Variants in CDH18 observed in about 807,000 individuals in gnomAD.
The protein encoded by CDH18 is cadherin 18, also known as cadherin-18.
CDH18 carries 31 observed loss-of-function variants against 67.9 expected under a neutral mutation model. The ratio of observed to expected loss-of-function variants is 0.46; its 90% CI spans 0.34 to 0.62. CDH18 has a LOEUF of 0.62. Ranked by LOEUF, CDH18 falls within the 20% of genes least tolerant of loss-of-function variation. The pLI is 0.01. For synonymous variants in CDH18, 362 were observed against 347.2 expected, an observed-to-expected ratio of 1.04 and a Z score of -0.48; for missense variants, 890 against 975.5, an observed-to-expected ratio of 0.91 and a Z score of 1.17.
At chr5:19,804,780 T>C (rs4392624) in intron 3 of CDH18, among the ~76,000 whole-genome samples, 88,412 of 151,944 alleles carry the variant, frequency 0.58, 26,015 homozygotes, top group Middle Eastern at 0.68. Flanking sequence ...CATACGTCTA[T>C]TACAAATAAG....
chr5:19,917,977 A>G (rs1383834080), intron 2 of CDH18, among the ~76,000 whole-genome samples: 1 of 152,174 alleles, frequency 6.6e-6, no homozygotes, highest in Non-Finnish European at 1.5e-5. Flanking sequence ...GAGATGTGGG[A>G]GATGAGTAAG....
chr5:20,470,019 TCCTCCAC>T (rs1247720446), intron 1 of CDH18, among the ~76,000 whole-genome samples: 1 of 152,132 alleles, frequency 6.6e-6, no homozygotes, highest in Non-Finnish European at 1.5e-5. Context: ...TAATAGCCAC[TCCTCCAC>T]CATCTCAATT....
At chr5:19,479,789 G>C (rs913888922) in intron 12 of CDH18, among the ~76,000 whole-genome samples, 1 of 152,072 alleles carries the variant, frequency 6.6e-6, no homozygotes, top group East Asian at 1.9e-4. Flanking sequence ...GTCAGATCAC[G>C]GCTCAAATAT....
intron 3 of CDH18, among the ~76,000 whole-genome samples, chr5:19,773,433 A>T (rs1041752890): frequency 5.9e-5 from 9 of 152,210 alleles, no homozygotes; most frequent in Admixed American, 2.6e-4. Flanking sequence ...TTGTAATTTG[A>T]CTTACAAGGG....
intron 1 of CDH18, among the ~76,000 whole-genome samples, chr5:20,499,125 TAC>T (rs925589165): frequency 4.7e-5 from 7 of 150,482 alleles, no homozygotes; most frequent in South Asian, 2.1e-4. Context: ...CTCACACACA[TAC>T]ACACACACAC....
chr5:19,727,782 A>C (rs1173546170), intron 4 of CDH18, among the ~76,000 whole-genome samples: 1 of 152,242 alleles, frequency 6.6e-6, no homozygotes, highest in Non-Finnish European at 1.5e-5. Context: ...TAAGAGAGAT[A>C]AAATAAAAAG....
chr5:19,808,935 G>A (rs964981620), intron 3 of CDH18, among the ~76,000 whole-genome samples: 10 of 151,010 alleles, frequency 6.6e-5, no homozygotes, highest in African/African-American at 2.4e-4. Context: ...CATTATATTT[G>A]GGAATATTTT....
upstream of CDH18, among the ~76,000 whole-genome samples, chr5:19,989,553 G>A (rs565939814): frequency 4.4e-4 from 67 of 152,266 alleles, no homozygotes; most frequent in African/African-American, 1.6e-3. Context: ...TAAAAAATCT[G>A]TATCCTTGTA....
At chr5:19,760,891 C>A (rs1370939682) in intron 3 of CDH18, among the ~76,000 whole-genome samples, 2 of 152,172 alleles carry the variant, frequency 1.3e-5, no homozygotes, top group African/African-American at 4.8e-5. Flanking sequence ...ATGTTCTCAG[C>A]CAAAGGTAGA....
At chr5:19,871,768 G>A (rs1786329564) in intron 2 of CDH18, among the ~76,000 whole-genome samples, 1 of 152,074 alleles carries the variant, frequency 6.6e-6, no homozygotes, top group Non-Finnish European at 1.5e-5. Flanking sequence ...CCTGTGGGAA[G>A]TTTTTATAGA....
At chr5:20,075,123 G>A (rs1228167474) in intron 2 of CDH18, among the ~76,000 whole-genome samples, 3 of 152,128 alleles carry the variant, frequency 2.0e-5, no homozygotes, top group Admixed American at 6.6e-5. Context: ...TCGGATGTAT[G>A]TGGGTCAAAC....
intron 3 of CDH18, among the ~76,000 whole-genome samples, chr5:19,793,739 C>T (rs1006977530): frequency 5.9e-5 from 9 of 151,980 alleles, no homozygotes; most frequent in African/African-American, 2.2e-4. Context: ...CCAAGGTCCT[C>T]GTACTGTACT....
At chr5:19,767,353 T>C (rs1346096859) in intron 3 of CDH18, among the ~76,000 whole-genome samples, 3 of 151,248 alleles carry the variant, frequency 2.0e-5, no homozygotes, top group African/African-American at 7.3e-5. Context: ...AAAAGCAGAG[T>C]AGTTGCGAAT....
At chr5:20,549,773 A>G (rs753691478) in intron 1 of CDH18, among the ~76,000 whole-genome samples, 1 of 152,172 alleles carries the variant, frequency 6.6e-6, no homozygotes, top group African/African-American at 2.4e-5. Context: ...AAGGCAGTAG[A>G]GTGGGGATAG....
intron 3 of CDH18, among the ~76,000 whole-genome samples, chr5:19,817,246 G>C (rs192139879): frequency 2.5e-4 from 38 of 151,942 alleles, no homozygotes; most frequent in Admixed American, 7.9e-4. Flanking sequence ...TCTCTGTAAA[G>C]AAACAAACAC....
chr5:20,258,626 C>A (rs1744416706), intron 1 of CDH18, among the ~76,000 whole-genome samples: 1 of 152,102 alleles, frequency 6.6e-6, no homozygotes, highest in African/African-American at 2.4e-5. Flanking sequence ...ATAATGACTT[C>A]TAATTTTTAT....
intron 1 of CDH18, among the ~76,000 whole-genome samples, chr5:20,321,366 G>C (rs749311855): frequency 1.3e-5 from 2 of 151,870 alleles, no homozygotes; most frequent in Non-Finnish European, 2.9e-5. Flanking sequence ...CAGACACCAG[G>C]GACCAGATAA....
intron 2 of CDH18, among the ~76,000 whole-genome samples, chr5:20,188,814 CAA>C (rs1222540169): frequency 2.1e-5 from 1 of 47,516 alleles, no homozygotes; most frequent in East Asian, 6.9e-4. Context: ...CTTATTGTGG[CAA>C]AAAAAAAAAG....
chr5:19,615,354 C>G (rs1749657809), intron 5 of CDH18, among the ~76,000 whole-genome samples: 1 of 152,134 alleles, frequency 6.6e-6, no homozygotes, highest in African/African-American at 2.4e-5. Flanking sequence ...AACTGATACA[C>G]AGTAACTTCT....
Sources: gnomAD v4.1 joint callset for allele counts (sites outside exome capture counted in the v4.1 genomes callset) on GRCh38, gnomAD v4.1.1 for gene constraint, MANE v1.5 for transcripts, NCBI Gene and HGNC (gene_info 2026-07-23, HGNC 2026-07-21) for gene names.